The following COG6 variants were observed in gnomAD, a reference collection of about 807,000 sequenced individuals.
COG6 encodes the protein component of oligomeric golgi complex 6, also known as conserved oligomeric Golgi complex subunit 6.
In COG6, 74 loss-of-function variants were observed where a neutral mutation model predicts 88.8. That is an observed-to-expected ratio of 0.83 (90% CI 0.69 to 1.01). COG6 has a LOEUF of 1.01. Ranked by LOEUF, COG6 falls within the 50% of genes least tolerant of loss-of-function variation. The pLI is 0.00. For synonymous variants in COG6, 286 were observed against 278.7 expected (o/e 1.03, Z -0.26); for missense variants, 800 against 797.9 (o/e 1.00, Z -0.03).
chr13:39,704,952 A>G (rs9532420), intron 13 of COG6, among the ~76,000 whole-genome samples: 62,331 of 151,976 alleles, frequency 0.41, 13,132 homozygotes, highest in Admixed American at 0.56. Flanking sequence ...TTTACAACTC[A>G]TATGTTGCTT....
chr13:39,742,693 A>C (rs1169325380), intron 18 of COG6, among the ~76,000 whole-genome samples: 1 of 152,186 alleles, frequency 6.6e-6, no homozygotes, highest in Non-Finnish European at 1.5e-5. Context: ...TAGACAGATC[A>C]ACGAGACAGA....
At chr13:39,787,249 G>A (rs1881801949) in intron 18 of COG6, among the ~76,000 whole-genome samples, 1 of 152,206 alleles carries the variant, frequency 6.6e-6, no homozygotes, top group South Asian at 2.1e-4. Flanking sequence ...TTTCAGCAAA[G>A]TGTTCTTGCA....
At position 39,711,642 on chromosome 13, in the gene COG6, A is replaced by G. The variant is rs532722926; in HGVS notation, c.1285-7594A>G. 2.6e-5 allele frequency among the ~76,000 whole-genome samples: 4 copies of G among 152,320 alleles called. No individual in the cohort carries two copies. The South Asian group carries it at 6.2e-4, about 24-fold the overall frequency. On this transcript the variant is annotated intron_variant, in intron 13 of 18. Transcript: ENST00000455146. ...TCATCTTCTGTAAAATGGGAATGAT[A>G]TATACCTTAGGCTCATTAGGATTAA... is the stretch of plus-strand genomic sequence containing the variant.
At chr13:39,664,523 C>T (rs1049883515) in intron 3 of COG6, among the ~76,000 whole-genome samples, 2 of 152,096 alleles carry the variant, frequency 1.3e-5, no homozygotes, top group East Asian at 1.9e-4. Context: ...CACTTTTGAT[C>T]AACTCTGGCT....
intron 18 of COG6, among the ~76,000 whole-genome samples, chr13:39,763,627 A>G (rs1881087346): frequency 1.3e-5 from 2 of 151,764 alleles, no homozygotes; most frequent in Non-Finnish European, 3.0e-5. Flanking sequence ...TATTTCTTCA[A>G]CAACTGTTGG....
chr13:39,737,610 C>T (rs1419814454), intron 18 of COG6, among the ~76,000 whole-genome samples: 1 of 151,348 alleles, frequency 6.6e-6, no homozygotes, highest in East Asian at 1.9e-4. Context: ...GCTGCATCAC[C>T]TGGGGTTGCG....
intron 4 of COG6, among the ~76,000 whole-genome samples, chr13:39,675,105 A>C (rs1330314428): frequency 1.3e-5 from 2 of 152,104 alleles, no homozygotes; most frequent in Non-Finnish European, 2.9e-5. Flanking sequence ...ATTTATTTAT[A>C]TAATATACAG....
At chr13:39,701,661 G>C (rs1367288685) in intron 13 of COG6, among the ~76,000 whole-genome samples, 1 of 151,900 alleles carries the variant, frequency 6.6e-6, no homozygotes, top group Non-Finnish European at 1.5e-5. Flanking sequence ...CAAGTAGGAG[G>C]CTTGTTATCT....
At chr13:39,661,134 A>G (rs945219214) in intron 3 of COG6, among the ~76,000 whole-genome samples, 105 of 152,312 alleles carry the variant, frequency 6.9e-4, no homozygotes, top group African/African-American at 2.4e-3. Flanking sequence ...AATTTTGATA[A>G]ACCTTTCAAT....
At chr13:39,782,199 G>C (rs1881649896) in intron 18 of COG6, among the ~76,000 whole-genome samples, 1 of 152,196 alleles carries the variant, frequency 6.6e-6, no homozygotes, top group South Asian at 2.1e-4. Flanking sequence ...AGAGGCCAGA[G>C]GGCCATCAGA....
At chr13:39,668,497 T>G (rs1294368602) in intron 4 of COG6, among the ~76,000 whole-genome samples, 2 of 152,234 alleles carry the variant, frequency 1.3e-5, no homozygotes, top group East Asian at 1.9e-4. Flanking sequence ...CATGCAGTTG[T>G]AAGAAACAAG....
chr13:39,706,255 T>TTATATATATATATATATATA (rs71298976), intron 13 of COG6, among the ~76,000 whole-genome samples: 14 of 114,672 alleles, frequency 1.2e-4, no homozygotes, highest in African/African-American at 4.5e-4. Flanking sequence ...ATATACTCCT[T>TTATATATATATATATATATA]TATATATATA....
At chr13:39,726,489 T>G (rs748523607) in intron 17 of COG6, among the ~76,000 whole-genome samples, 4 of 151,960 alleles carry the variant, frequency 2.6e-5, no homozygotes, top group Non-Finnish European at 5.9e-5. Flanking sequence ...CTGATGGTCC[T>G]CAAATATCTT....
intron 13 of COG6, among the ~76,000 whole-genome samples, chr13:39,711,042 CT>C (rs139957012): frequency 5.4e-5 from 8 of 148,866 alleles, no homozygotes; most frequent in Admixed American, 6.7e-5. Context: ...CCATGTTTAT[CT>C]TTTTTTTTTG....
chr13:39,716,443 T>A (rs1878534077), intron 13 of COG6, among the ~76,000 whole-genome samples: 1 of 152,124 alleles, frequency 6.6e-6, no homozygotes, highest in Non-Finnish European at 1.5e-5. Context: ...TTTTTCAAAT[T>A]AATCTGCTAG....
chr13:39,774,737 G>C (rs1326713524), intron 18 of COG6, among the ~76,000 whole-genome samples: 1 of 151,926 alleles, frequency 6.6e-6, no homozygotes, highest in Non-Finnish European at 1.5e-5. Flanking sequence ...ACCATGCCCA[G>C]GTAATTTTTG....
intron 18 of COG6, among the ~76,000 whole-genome samples, chr13:39,774,952 A>G (rs1881421967): frequency 6.6e-6 from 1 of 152,238 alleles, no homozygotes; most frequent in Admixed American, 6.5e-5. Context: ...GAGAGATTGC[A>G]AATTTATTAT....
At chr13:39,737,865 C>G (rs556631681) in intron 18 of COG6, among the ~76,000 whole-genome samples, 1 of 152,210 alleles carries the variant, frequency 6.6e-6, no homozygotes, top group African/African-American at 2.4e-5. Context: ...CTGACTAGTG[C>G]TGGTCTAAAT....
In COG6 at chr13:39,745,418, G is replaced by A. The variant is rs190902884; in HGVS notation, c.1827-5528G>A. ...AAGAAAAAAAACCATCAAAAAGTGG[G>A]CAAAGGATATGAACAGATACTTCTC... On this transcript the variant is annotated intron_variant, in intron 18 of 18. Transcript: ENST00000455146. 3.2e-4 allele frequency among the ~76,000 whole-genome samples: 49 copies of A among 152,214 alleles called. No individual in the cohort carries two copies. The South Asian group carries it at 9.3e-3, about 29-fold the overall frequency.
Sources: gnomAD v4.1 joint callset for allele counts (sites outside exome capture counted in the v4.1 genomes callset) on GRCh38, gnomAD v4.1.1 for gene constraint, MANE v1.5 for transcripts, NCBI Gene and HGNC (gene_info 2026-07-23, HGNC 2026-07-21) for gene names.